PCMT1: variants seen among roughly 807,000 people sequenced by gnomAD.
The protein encoded by PCMT1 is protein-L-isoaspartate(D-aspartate) O-methyltransferase.
PCMT1 carries 9 observed loss-of-function variants against 29.2 expected under a neutral mutation model. That is an observed-to-expected ratio of 0.31 (90% confidence interval 0.19 to 0.54). PCMT1 has a LOEUF of 0.54. PCMT1 is among the 20% of genes least tolerant of loss of function. PCMT1 has a pLI of 0.95. For synonymous variants in PCMT1, 98 were observed against 97.5 expected (o/e 1.00, Z -0.03); for missense variants, 184 against 282.2 (o/e 0.65, Z 2.49).
At chr6:149,773,033 A>G (rs900249652) in intron 2 of PCMT1, 105 bp from the exon 3 acceptor site, 7 of 968,742 alleles carry the variant, frequency 7.2e-6, no homozygotes, top group African/African-American at 6.7e-5. Context: ...AAAAAAAAAA[A>G]AAGAATTATT....
chr6:149,759,028 C>T (rs1369415577), intron 1 of PCMT1, among the ~76,000 whole-genome samples: 1 of 152,142 alleles, frequency 6.6e-6, no homozygotes, highest in African/African-American at 2.4e-5. Context: ...AGGCACATGC[C>T]ACCATGCCCA....
intron 3 of PCMT1, among the ~76,000 whole-genome samples, chr6:149,786,454 C>T (rs1253391016): frequency 7.0e-6 from 1 of 143,180 alleles, no homozygotes; most frequent in African/African-American, 2.7e-5. Flanking sequence ...GGCTGCTGGG[C>T]GGAGACGCTC....
intron 2 of PCMT1, 113 bp downstream of exon 2, chr6:149,771,379 A>G (rs1219644148): frequency 2.5e-5 from 14 of 554,892 alleles, no homozygotes; most frequent in Non-Finnish European, 4.0e-5. Context: ...TCTTAATTTG[A>G]ATTTTATGAC....
chr6:149,804,957 T>C (rs1312111169), intron 7 of PCMT1, among the ~76,000 whole-genome samples: 2 of 152,162 alleles, frequency 1.3e-5, no homozygotes, highest in Non-Finnish European at 2.9e-5. Flanking sequence ...AAATTTAAAA[T>C]AGGGCCAGGT....
At chr6:149,781,130 T>G (rs1322801936) in intron 3 of PCMT1, among the ~76,000 whole-genome samples, 1 of 151,972 alleles carries the variant, frequency 6.6e-6, no homozygotes, top group African/African-American at 2.4e-5. Context: ...TTCATGTGCG[T>G]TTTGGCCATT....
Position 149,753,337 on chromosome 6 carries a change from G to T in PCMT1, c.55+3381G>T, listed in dbSNP as rs545462060. Among the ~76,000 whole-genome samples, 707 of 143,328 alleles carry T rather than the reference G, an allele frequency of 4.9e-3. 2 individuals carry two copies. The highest frequency in any genetic ancestry group is 0.017 in the African/African-American group (654 of 39,040). The allele number at this position is 143,328 out of a possible 152,430, so 94.0% of individuals were successfully genotyped here. A position where few individuals can be genotyped will look rare whatever the true frequency, so the allele number is the denominator to read the frequency against. On this transcript the variant is annotated intron_variant, in intron 1 of 7. Coordinates refer to ENST00000464889, the MANE Select transcript of PCMT1 (RefSeq NM_001360452.2). Reference sequence around the variant, plus strand: ...GGGGAAGGAAATTACATTTTTAATGGTTTTTTTTTTTTGAGACAGAGTTTC... The same window carrying T: ...GGGGAAGGAAATTACATTTTTAATGTTTTTTTTTTTTTGAGACAGAGTTTC...
chr6:149,779,512 A>G (rs1480897419), intron 3 of PCMT1, among the ~76,000 whole-genome samples: 3 of 152,178 alleles, frequency 2.0e-5, no homozygotes, highest in Admixed American at 1.3e-4. Context: ...AAAGATTTAT[A>G]TAGAAGCATG....
chr6:149,785,845 C>G (rs555000647), intron 3 of PCMT1, among the ~76,000 whole-genome samples: 1 of 152,368 alleles, frequency 6.6e-6, no homozygotes, highest in Non-Finnish European at 1.5e-5. Flanking sequence ...ATTTCTCAAT[C>G]TCTTCCCCAC....
chr6:149,783,967 T>A (rs1399395376), intron 3 of PCMT1, among the ~76,000 whole-genome samples: 1 of 152,236 alleles, frequency 6.6e-6, no homozygotes, highest in Non-Finnish European at 1.5e-5. Context: ...AGCACTCGGA[T>A]TATAGGTATA....
chr6:149,777,212 T>TA (rs1224597103), intron 3 of PCMT1, among the ~76,000 whole-genome samples: 1 of 152,216 alleles, frequency 6.6e-6, no homozygotes, highest in Non-Finnish European at 1.5e-5. Context: ...TCAGAACACT[T>TA]ACGTTAGCCT....
chr6:149,765,144 A>T (rs1304378494), intron 1 of PCMT1, among the ~76,000 whole-genome samples: 2 of 151,164 alleles, frequency 1.3e-5, no homozygotes, highest in African/African-American at 4.9e-5. Context: ...CGGATCCACG[A>T]GGTCAGGAGA....
At chr6:149,790,190 C>G (rs1310108317) in intron 4 of PCMT1, 132 bp downstream of exon 4, 9 of 607,768 alleles carry the variant, frequency 1.5e-5, no homozygotes, top group Non-Finnish European at 2.3e-5. Context: ...GAATGAGCAT[C>G]ACTTAGGATT....
At chr6:149,762,851 T>C (rs1259796316) in intron 1 of PCMT1, among the ~76,000 whole-genome samples, 1 of 55,052 alleles carries the variant, frequency 1.8e-5, no homozygotes. Context: ...ATCTATGATA[T>C]ATATCTATGA....
At chr6:149,790,281 A>G (rs1788304642) in intron 4 of PCMT1, among the ~76,000 whole-genome samples, 1 of 152,164 alleles carries the variant, frequency 6.6e-6, no homozygotes, top group Non-Finnish European at 1.5e-5. Flanking sequence ...TATAACAGAA[A>G]AGTCTAGGGG....
chr6:149,768,838 A>G (rs1399041844), intron 1 of PCMT1, among the ~76,000 whole-genome samples: 1 of 151,574 alleles, frequency 6.6e-6, no homozygotes, highest in Non-Finnish European at 1.5e-5. Context: ...TGTTGGCCGT[A>G]TTGGTCTTGA....
chr6:149,766,412 T>C (rs555979538), intron 1 of PCMT1, among the ~76,000 whole-genome samples: 1 of 152,328 alleles, frequency 6.6e-6, no homozygotes, highest in East Asian at 1.9e-4. Context: ...AAATCAGCTT[T>C]ATTGAGGTAT....
chr6:149,776,900 C>A (rs578202213), intron 3 of PCMT1, among the ~76,000 whole-genome samples: 1 of 152,112 alleles, frequency 6.6e-6, no homozygotes, highest in South Asian at 2.1e-4. Context: ...CAGTATCTAT[C>A]GAAATGTGAA....
At chr6:149,789,713 GAATT>G (rs1212530385) in intron 3 of PCMT1, among the ~76,000 whole-genome samples, 1 of 100,790 alleles carries the variant, frequency 9.9e-6, no homozygotes, top group East Asian at 6.5e-4. Flanking sequence ...TTTTTTTACT[GAATT>G]AATTAAAAGT....
intron 3 of PCMT1, among the ~76,000 whole-genome samples, chr6:149,773,499 C>G (rs1048562456): frequency 6.6e-6 from 1 of 152,184 alleles, no homozygotes; most frequent in Non-Finnish European, 1.5e-5. Flanking sequence ...CTGCCTCAGC[C>G]TCCCCAGGAG....
Sources: gnomAD v4.1 joint callset for allele counts (sites outside exome capture counted in the v4.1 genomes callset) on GRCh38, gnomAD v4.1.1 for gene constraint, MANE v1.5 for transcripts, NCBI Gene and HGNC (gene_info 2026-07-23, HGNC 2026-07-21) for gene names.